Variants in RANBP2 observed in about 807,000 individuals in gnomAD.
The protein encoded by RANBP2 is RAN binding protein 2, also known as E3 SUMO-protein ligase RanBP2.
In RANBP2, 57 loss-of-function variants were observed where a neutral mutation model predicts 303.6. The ratio of observed to expected loss-of-function variants is 0.19; its 90% CI spans 0.15 to 0.23. RANBP2 has a LOEUF of 0.23. Ranked by LOEUF, RANBP2 falls within the 10% of genes least tolerant of loss-of-function variation. The pLI is 1.00. For missense variants in RANBP2, 3,138 were observed against 3,780.8 expected, an observed-to-expected ratio of 0.83 and a Z score of 4.46; for synonymous variants, 1,167 against 1,301.5, an observed-to-expected ratio of 0.90 and a Z score of 2.23.
At chr2:109,133,997 G>A in the RANBP2 span, among the ~76,000 whole-genome samples, 2 of 152,058 alleles carry the variant, frequency 1.3e-5, no homozygotes, top group African/African-American at 4.8e-5. Context: ...CAGGATAGAG[G>A]GTGTCTATGG....
At chr2:108,875,817 C>T in the RANBP2 span, among the ~76,000 whole-genome samples, 2 of 152,160 alleles carry the variant, frequency 1.3e-5, no homozygotes, top group African/African-American at 2.4e-5. Context: ...TGTGTTCATG[C>T]CACTGCACTC....
At chr2:108,773,686 C>T (rs1389352345) in intron 23 of RANBP2, among the ~76,000 whole-genome samples, 1 of 149,470 alleles carries the variant, frequency 6.7e-6, no homozygotes, top group African/African-American at 2.5e-5. Context: ...TTCGCTCTGT[C>T]GCCAGGCTGG....
At chr2:109,092,643 A>G in the RANBP2 span, among the ~76,000 whole-genome samples, 1 of 152,166 alleles carries the variant, frequency 6.6e-6, no homozygotes, top group Non-Finnish European at 1.5e-5. Context: ...TCTGGAATCT[A>G]CAGAGAAAGG....
In RANBP2 at chr2:108,746,949, G is replaced by A. The variant is rs1363733130; in HGVS notation, c.1063+151G>A. ...AGTTAAGAGCAATAGGTATGGAAGA[G>A]ATGTGAAAAATAGCACATTCTTTAA... is the stretch of plus-strand genomic sequence containing the variant. On this transcript the variant is annotated intron_variant, in intron 8 of 28. Coordinates refer to ENST00000283195, the MANE Select transcript of RANBP2 (RefSeq NM_006267.5). 8 of 1,336,258 alleles carry A rather than the reference G, an allele frequency of 6.0e-6. 1 individual carries two copies. The highest frequency in any genetic ancestry group is 5.4e-4 in the Middle Eastern group (2 of 3,704). The allele number at this position is 1,336,258 out of a possible 1,614,324, so 82.8% of individuals were successfully genotyped here.
At chr2:108,942,611 C>T in the RANBP2 span, among the ~76,000 whole-genome samples, 1 of 152,238 alleles carries the variant, frequency 6.6e-6, no homozygotes, top group South Asian at 2.1e-4. Context: ...TGAGTGAGGC[C>T]GTGAGGCGGG....
the RANBP2 span, among the ~76,000 whole-genome samples, chr2:109,355,620 T>A: frequency 1.3e-5 from 2 of 152,222 alleles, no homozygotes; most frequent in African/African-American, 4.8e-5. Flanking sequence ...GTTGTCCCTG[T>A]ATGCTCCCTT....
the RANBP2 span, among the ~76,000 whole-genome samples, chr2:109,269,778 T>A: frequency 1.3e-5 from 2 of 151,832 alleles, no homozygotes; most frequent in African/African-American, 4.8e-5. Context: ...CCGGGAGGGG[T>A]GAGGGGAACT....
At chr2:108,945,734 GAA>G in the RANBP2 span, among the ~76,000 whole-genome samples, 1 of 152,196 alleles carries the variant, frequency 6.6e-6, no homozygotes, top group African/African-American at 2.4e-5. Flanking sequence ...CCTTAAAAAG[GAA>G]AGACTTTCTG....
At chr2:109,358,094 T>C in the RANBP2 span, among the ~76,000 whole-genome samples, 1 of 152,206 alleles carries the variant, frequency 6.6e-6, no homozygotes, top group Non-Finnish European at 1.5e-5. Context: ...ACCTTTGTAC[T>C]GTCTTCATAG....
the RANBP2 span, among the ~76,000 whole-genome samples, chr2:109,063,603 A>C: frequency 6.6e-6 from 1 of 152,186 alleles, no homozygotes; most frequent in Non-Finnish European, 1.5e-5. Context: ...CATTGGAACA[A>C]ACAGCTCGAA....
chr2:109,441,158 A>C, the RANBP2 span, among the ~76,000 whole-genome samples: 1 of 148,896 alleles, frequency 6.7e-6, no homozygotes, highest in African/African-American at 2.5e-5. Flanking sequence ...TCCAGCTCTC[A>C]ACAACATAAA....
chr2:108,760,678 C>T (rs150817780), intron 18 of RANBP2, among the ~76,000 whole-genome samples: 183 of 152,202 alleles, frequency 1.2e-3, no homozygotes, highest in African/African-American at 4.1e-3. Flanking sequence ...ACAATTCATG[C>T]AAATGGCAGT....
chr2:109,408,518 G>A, the RANBP2 span, among the ~76,000 whole-genome samples: 1 of 152,178 alleles, frequency 6.6e-6, no homozygotes. Context: ...GGTCCCACAC[G>A]CGCTCACGCC....
chr2:109,061,642 G>C, the RANBP2 span, among the ~76,000 whole-genome samples: 1 of 152,158 alleles, frequency 6.6e-6, no homozygotes, highest in Admixed American at 6.5e-5. Context: ...GCAATAATAA[G>C]TGCAATAATA....
chr2:109,483,487 T>G, the RANBP2 span, among the ~76,000 whole-genome samples: 1 of 152,214 alleles, frequency 6.6e-6, no homozygotes, highest in Non-Finnish European at 1.5e-5. Context: ...CTTGGCACCT[T>G]CCGCCTGTTT....
the RANBP2 span, among the ~76,000 whole-genome samples, chr2:109,474,969 T>TTTTG: frequency 2.1e-3 from 318 of 152,046 alleles, 2 homozygotes; most frequent in East Asian, 8.7e-3. Context: ...TTTGGGTTTT[T>TTTTG]TTTGTTTGTT....
At chr2:109,649,501 G>A in the RANBP2 span, among the ~76,000 whole-genome samples, 1 of 151,796 alleles carries the variant, frequency 6.6e-6, no homozygotes, top group South Asian at 2.1e-4. Flanking sequence ...GGGTTCAAGC[G>A]ATTCTCCTGC....
chr2:109,540,798 C>CAAAAAAAA, the RANBP2 span, among the ~76,000 whole-genome samples: 21 of 131,178 alleles, frequency 1.6e-4, no homozygotes, highest in South Asian at 1.0e-3. Context: ...AAGACCCTGT[C>CAAAAAAAA]AAAAAAAAAA....
intron 1 of RANBP2, among the ~76,000 whole-genome samples, chr2:108,721,573 TGGGA>T (rs1237284058): frequency 2.0e-5 from 3 of 152,122 alleles, no homozygotes; most frequent in Non-Finnish European, 4.4e-5. Context: ...CCCGAGTAGT[TGGGA>T]CCACAGGTGT....
Sources: allele counts gnomAD v4.1 joint callset (sites outside exome capture counted in the v4.1 genomes callset), GRCh38; gene constraint gnomAD v4.1.1; transcripts MANE v1.5; gene names NCBI Gene and HGNC (gene_info 2026-07-23, HGNC 2026-07-21).